The following PTPN23 variants were observed in gnomAD, a reference collection of about 807,000 sequenced individuals.
PTPN23 encodes protein tyrosine phosphatase non-receptor type 23.
A neutral mutation model predicts 156.3 loss-of-function variants in PTPN23; 72 were observed. The ratio of observed to expected loss-of-function variants is 0.46; its 90% CI spans 0.38 to 0.56. The LOEUF is 0.56. Among genes scored for constraint, PTPN23 ranks in the 20% least tolerant of loss-of-function variants. The pLI is 0.00. For synonymous variants in PTPN23, 957 were observed against 899.6 expected, an observed-to-expected ratio of 1.06 and a Z score of -1.14; for missense variants, 1,974 against 2,171.5, an observed-to-expected ratio of 0.91 and a Z score of 1.81.
intron 2 of PTPN23, among the ~76,000 whole-genome samples, chr3:47,400,581 A>G (rs948939810): frequency 1.3e-5 from 2 of 152,152 alleles, no homozygotes; most frequent in Admixed American, 1.3e-4. Context: ...TTTATTATTT[A>G]TTTATTTTTG....
Position 47,410,542 on chromosome 3 carries a change from C to T in PTPN23, c.2744C>T (p.Pro915Leu), listed in dbSNP as rs141350331. The T allele has an allele frequency of 1.8e-5, 29 of 1,611,376 alleles. No homozygotes were observed. Among genetic ancestry groups the T allele is most frequent in the East Asian group, 4.5e-5 (2 of 44,784 alleles). ...PPPPCFPVPP[P>L]QPLPTPYTYP... ...CCGCCCTGCTTCCCTGTGCCCCCAC[C>T]GCAGCCACTGCCCACGCCTTACACC... is the stretch of plus-strand genomic sequence containing the variant. Residue 915 changes from proline to leucine, a missense_variant, in exon 20 of 25, where the codon CCG (proline) becomes CTG (leucine). Around this residue, in one of 4 missense-constraint regions of PTPN23, gnomAD observed 731 missense variants for 669.1 expected, o/e 1.09. Coordinates refer to ENST00000265562, the MANE Select transcript of PTPN23 (RefSeq NM_015466.4).
At chr3:47,404,272 A>G (rs1018219758) in intron 2 of PTPN23, among the ~76,000 whole-genome samples, 8 of 152,186 alleles carry the variant, frequency 5.3e-5, no homozygotes, top group African/African-American at 1.9e-4. Context: ...GCCTCTACTA[A>G]AAATACAAAA....
intron 1 of PTPN23, among the ~76,000 whole-genome samples, chr3:47,387,380 A>G (rs1183066167): frequency 6.7e-6 from 1 of 150,168 alleles, no homozygotes; most frequent in Non-Finnish European, 1.5e-5. Flanking sequence ...TAACCTGGGC[A>G]ACAAAGCAAG....
In PTPN23 at chr3:47,411,181, A is replaced by G. The variant is rs1026803124; in HGVS notation, c.3383A>G (p.His1128Arg). The change falls in exon 20 of 25, where the codon CAT becomes CGT. Residue 1128 changes from histidine to arginine, a missense_variant. Around this residue, in one of 4 missense-constraint regions of PTPN23, gnomAD observed 731 missense variants for 669.1 expected, o/e 1.09. Coordinates refer to ENST00000265562, the MANE Select transcript of PTPN23 (RefSeq NM_015466.4). This position sits in a 1 kb window ranked among gnomAD's most constrained non-coding sequence, Gnocchi z 6.3. ...DLLSSSPESQ[H>R]GGTQSPGGGQ... Reference sequence around the variant, plus strand: ...CTCTCCTCCAGCCCGGAGAGCCAGCATGGCGGCACTCAGTCTCCTGGGGGT... The same window carrying G: ...CTCTCCTCCAGCCCGGAGAGCCAGCGTGGCGGCACTCAGTCTCCTGGGGGT... The G allele has an allele frequency of 8.7e-6, 14 of 1,603,892 alleles. No individual in the cohort carries two copies. The highest frequency in any genetic ancestry group is 1.7e-5 in the Admixed American group (1 of 59,170).
Position 47,406,789 on chromosome 3 carries a change from G to A in PTPN23, c.807+39G>A. On this transcript the variant is annotated intron_variant, in intron 9 of 24. Transcript: ENST00000265562. This position sits in a 1 kb window ranked among gnomAD's most constrained non-coding sequence, Gnocchi z 5.8. ...AGGAGGGGACTGGGGACCAATGGCA[G>A]CCTTCAGTGAGATGCCGGTGTGCTC... The A allele has an allele frequency of 6.2e-7, 1 of 1,611,122 alleles. No individual in the cohort carries two copies. The highest frequency in any genetic ancestry group is 8.5e-7 in the Non-Finnish European group (1 of 1,178,688).
Position 47,411,003 on chromosome 3 carries a change from A to C in PTPN23, c.3205A>C (p.Ile1069Leu), listed in dbSNP as rs759416242. 9 of 1,583,524 alleles carry C rather than the reference A, an allele frequency of 5.7e-6. No individual in the cohort carries two copies. The South Asian group carries it at 6.8e-5, about 12-fold the overall frequency. ...GGGCCCCCAGGCAGCCCCTCTTACCATTCGAGGGCCCTCGTCTGCTGGCCA... is the reference window on the plus strand; with the variant it reads ...GGGCCCCCAGGCAGCCCCTCTTACCCTTCGAGGGCCCTCGTCTGCTGGCCA... ...PMGPQAAPLT[I>L]RGPSSAGQST... The change falls in exon 20 of 25, where the codon ATT (isoleucine) becomes CTT (leucine). Residue 1069 changes from isoleucine to leucine, a missense_variant. Physicochemically the swap from Ile to Leu is conservative, Grantham distance 5 (BLOSUM62 2). Transcript: ENST00000265562. This position sits in a 1 kb window ranked among gnomAD's most constrained non-coding sequence, Gnocchi z 6.3.
chr3:47,398,944 A>G (rs1388437162), intron 2 of PTPN23, among the ~76,000 whole-genome samples: 2 of 152,144 alleles, frequency 1.3e-5, no homozygotes, highest in South Asian at 2.1e-4. Context: ...CATTTGCCCT[A>G]TATATGTGGT....
At chr3:47,382,074 A>T (rs1478751936) in intron 1 of PTPN23, among the ~76,000 whole-genome samples, 1 of 152,170 alleles carries the variant, frequency 6.6e-6, no homozygotes, top group Non-Finnish European at 1.5e-5. Flanking sequence ...CCCAATCTAG[A>T]TGGTGCACCA....
chr3:47,407,150 C>T lies in PTPN23; in HGVS notation c.828C>T (p.Ala276=). The change falls in exon 10 of 25, where the codon GCC becomes GCT. Residue 276 remains alanine (A), a synonymous_variant. Transcript: ENST00000265562. The surrounding 1 kb of genome is among the most constrained non-coding windows in gnomAD (Gnocchi z 4.0). ...FGERVAYFQS[A]LDKLNEAIKL... ...CACAGGTTGCATACTTCCAGAGCGC[C>T]CTGGACAAGCTCAATGAAGCCATCA... 1 of 1,614,012 alleles carries T rather than the reference C, an allele frequency of 6.2e-7. No individual in the cohort carries two copies. Among genetic ancestry groups the T allele is most frequent in the Non-Finnish European group, 8.5e-7 (1 of 1,179,974 alleles).
chr3:47,409,461 G>A lies in PTPN23; in HGVS notation c.1842G>A (p.Val614=), dbSNP rs773650565. 8.1e-6 allele frequency: 13 copies of A among 1,614,072 alleles called. No homozygotes were observed. The highest frequency in any genetic ancestry group is 1.1e-5 in the Non-Finnish European group (13 of 1,180,040). ...EQLKKYDQLK[V]YLEQNLAAQD... is the part of the protein sequence containing the mutation. ...TGAAAAAGTATGACCAGCTGAAGGT[G>A]TACCTGGAGCAGAACCTGGCCGCCC... Residue 614 remains valine (V), a synonymous_variant, in exon 18 of 25, where the codon GTG becomes GTA. Transcript: ENST00000265562.
chr3:47,411,560 A>C lies in PTPN23; in HGVS notation c.3762A>C (p.Pro1254=). The change falls in exon 20 of 25, where the codon CCA becomes CCC. Residue 1254 remains proline (P), a synonymous_variant. Transcript: ENST00000265562. This position sits in a 1 kb window ranked among gnomAD's most constrained non-coding sequence, Gnocchi z 6.3. ...CCAGCTGCGTGGAGGGGCTCTCCCC[A>C]TACTGCCCCCCGCTAGTGGCAACCC... The part of the protein sequence containing the change: ...INASCVEGLS[P]YCPPLVATQA... 1 of 1,612,660 alleles carries C rather than the reference A, an allele frequency of 6.2e-7. No homozygotes were observed. Among genetic ancestry groups the C allele is most frequent in the Non-Finnish European group, 8.5e-7 (1 of 1,179,954 alleles).
chr3:47,386,014 C>A (rs1386120728), intron 1 of PTPN23, among the ~76,000 whole-genome samples: 1 of 152,166 alleles, frequency 6.6e-6, no homozygotes, highest in Non-Finnish European at 1.5e-5. Flanking sequence ...TCCTGTTTAT[C>A]ACATGGGTTG....
intron 1 of PTPN23, among the ~76,000 whole-genome samples, chr3:47,384,350 C>T (rs886711051): frequency 7.2e-6 from 1 of 138,956 alleles, no homozygotes; most frequent in Non-Finnish European, 1.5e-5. Context: ...TGCCTGTAGT[C>T]GGGAGGCTGA....
intron 14 of PTPN23, 142 bp from the exon 15 acceptor site, chr3:47,408,203 C>A (rs1705175949): frequency 1.6e-6 from 2 of 1,224,216 alleles, no homozygotes; most frequent in Non-Finnish European, 2.3e-6. Context: ...CCAGGCCAGA[C>A]CTGGTAGTAG....
In PTPN23 at chr3:47,381,130, C is replaced by T. The variant is rs749801419; in HGVS notation, c.34C>T (p.Leu12=). ...EAVPRMPMIW[L]DLKEAGDFHF... ...CGTGCCCCGCATGCCCATGATCTGG[C>T]TGGACCTGAAGGAGGCCGGTGACTT... Residue 12 remains leucine, a synonymous_variant, in exon 1 of 25, where the codon CTG becomes TTG. Coordinates refer to ENST00000265562, the MANE Select transcript of PTPN23 (RefSeq NM_015466.4). 4 of 1,590,690 alleles carry T rather than the reference C, an allele frequency of 2.5e-6. No individual in the cohort carries two copies. In the South Asian group the frequency reaches 4.6e-5, roughly 18 times the overall value.
At chr3:47,394,536 G>C (rs1704840838) in intron 1 of PTPN23, among the ~76,000 whole-genome samples, 1 of 151,974 alleles carries the variant, frequency 6.6e-6, no homozygotes, top group African/African-American at 2.4e-5. Context: ...GACGGGTCTT[G>C]CTCTTTTGCC....
chr3:47,396,166 G>T lies in PTPN23; in HGVS notation c.108G>T (p.Glu36Asp), dbSNP rs748066849. ...AGTTTGTCCTGAAGAATTATGGAGA[G>T]AACCCAGAAGCCTACAATGAAGAAC... is the stretch of plus-strand genomic sequence containing the variant. The part of the protein sequence containing the change: ...VKKFVLKNYG[E>D]NPEAYNEELK... Residue 36 changes from glutamate to aspartate, a missense_variant, in exon 2 of 25, where the codon GAG (glutamate) becomes GAT (aspartate). Glu to Asp is a conservative substitution (Grantham distance 45). Coordinates refer to ENST00000265562, the MANE Select transcript of PTPN23 (RefSeq NM_015466.4). 1 of 1,613,152 alleles carries T rather than the reference G, an allele frequency of 6.2e-7. No individual in the cohort carries two copies.
Position 47,405,078 on chromosome 3 carries a change from C to T in PTPN23, c.361C>T (p.Leu121Phe). The T allele has an allele frequency of 6.2e-7, 1 of 1,614,086 alleles. No individual in the cohort carries two copies. The highest frequency in any genetic ancestry group is 1.1e-5 in the South Asian group (1 of 91,078). Residue 121 changes from leucine (L) to phenylalanine (F), a missense_variant, in exon 4 of 25, where the codon CTT (leucine) becomes TTT (phenylalanine). Physicochemically the swap from Leu to Phe is conservative, Grantham distance 22. Coordinates refer to ENST00000265562, the MANE Select transcript of PTPN23 (RefSeq NM_015466.4). The surrounding 1 kb of genome is among the most constrained non-coding windows in gnomAD (Gnocchi z 4.7). ...CGAGCAGGCCTGTATTCTCTACAAC[C>T]TTGGTGAGCTGCCTGATCCCTTCCC... The part of the protein sequence containing the change: ...KYEQACILYN[L>F]GALHSMLGAM...
chr3:47,381,062 G>T lies in PTPN23; in HGVS notation c.-35G>T, dbSNP rs1704523892. On this transcript the variant is annotated 5_prime_UTR_variant, in exon 1 of 25. Coordinates refer to ENST00000265562, the MANE Select transcript of PTPN23 (RefSeq NM_015466.4). The stretch of plus-strand genomic sequence containing the variant: ...CTGAGCCAGCAGCTGCAGCAGCTAC[G>T]GGAGTGGCCGGGTGGCCGGCGGGTG... 1.3e-6 allele frequency: 2 copies of T among 1,554,470 alleles called. No homozygotes were observed. The highest frequency in any genetic ancestry group is 8.7e-7 in the Non-Finnish European group (1 of 1,149,400).
Sources: gnomAD v4.1 joint callset for allele counts (sites outside exome capture counted in the v4.1 genomes callset) on GRCh38, gnomAD v4.1.1 for gene constraint, gnomAD v4.1.1 regional missense constraint, Gnocchi (gnomAD v3.1) non-coding constraint, MANE v1.5 for transcripts, NCBI Gene and HGNC (gene_info 2026-07-23, HGNC 2026-07-21) for gene names.